The following MRPL3 variants were observed in gnomAD, a reference collection of about 807,000 sequenced individuals.
MRPL3 encodes large ribosomal subunit protein uL3m.
Under a neutral mutation model 44.3 loss-of-function variants are expected in MRPL3, and 43 were observed. The ratio of observed to expected loss-of-function variants is 0.97; its 90% CI spans 0.76 to 1.25. The LOEUF (loss-of-function observed/expected upper bound fraction) is 1.25. Among genes scored for constraint, MRPL3 ranks in the 50% most tolerant of loss-of-function variants. The pLI, the probability that MRPL3 is intolerant of heterozygous loss-of-function variation, is 0.00. For missense variants in MRPL3, 406 were observed against 427.6 expected, an observed-to-expected ratio of 0.95 and a Z score of 0.45; for synonymous variants, 171 against 152.3, an observed-to-expected ratio of 1.12 and a Z score of -0.91.
At chr3:131,492,215 A>T (rs886226806) in intron 4 of MRPL3, among the ~76,000 whole-genome samples, 11 of 152,130 alleles carry the variant, frequency 7.2e-5, no homozygotes, top group Admixed American at 3.3e-4. Context: ...CTTTTATTTT[A>T]TTAAAGCATA....
chr3:131,470,007 G>C (rs1933705808), intron 7 of MRPL3, among the ~76,000 whole-genome samples: 1 of 151,948 alleles, frequency 6.6e-6, no homozygotes, highest in South Asian at 2.1e-4. Flanking sequence ...GCAGATTTAG[G>C]AGAAAAACTC....
chr3:131,468,163 C>A lies in MRPL3; in HGVS notation c.822G>T (p.Trp274Cys), dbSNP rs1406639547. Residue 274 changes from tryptophan (W) to cysteine (C), a missense_variant, in exon 9 of 10, where the codon TGG becomes TGT. Physicochemically the swap from Trp to Cys is radical, Grantham distance 215. Transcript: ENST00000264995. ...IYRTEYGLKV[W>C]RINTKHNIIY... is the part of the protein sequence containing the mutation. ...TTATGTTGTGCTTTGTGTTTATTCTCCACACCTAAAGCATGAAATAAAACC... is the reference window on the plus strand; with the variant it reads ...TTATGTTGTGCTTTGTGTTTATTCTACACACCTAAAGCATGAAATAAAACC... 2 of 1,581,000 alleles carry A rather than the reference C, an allele frequency of 1.3e-6. No individual in the cohort carries two copies. Among genetic ancestry groups the A allele is most frequent in the Non-Finnish European group, 1.7e-6 (2 of 1,166,498 alleles).
At position 131,471,366 on chromosome 3, in the gene MRPL3, T is replaced by C. The variant is rs762908734; in HGVS notation, c.630-87A>G. The C allele has an allele frequency of 3.5e-5, 31 of 877,138 alleles. No homozygotes were observed. The Admixed American group carries it at 6.3e-4, about 18-fold the overall frequency. 54.3% of individuals were successfully genotyped at this position (877,138 alleles called of 1,614,324 possible). ...CACTTTCTAGTACCAACTGTACACA[T>C]TCTTGTTAGAGTTTTAACAAAGCTT... On this transcript the variant is annotated intron_variant, in intron 6 of 9. Transcript: ENST00000264995.
rs76329077 is a variant in MRPL3 at position 131,471,996 on chromosome 3, A to G, written c.630-717T>C. Among the ~76,000 whole-genome samples, 399 of 152,286 alleles carry G rather than the reference A, an allele frequency of 2.6e-3. 1 individual carries two copies. Among genetic ancestry groups the G allele is most frequent in the Non-Finnish European group, 4.8e-3 (327 of 68,018 alleles). On this transcript the variant is annotated intron_variant, in intron 6 of 9. Transcript: ENST00000264995. Reference sequence around the variant, plus strand: ...GATTCTCCCCAATTAGAACCTTGACATGACTACAGCCCTGGCTGATGCTTG... The same window carrying G: ...GATTCTCCCCAATTAGAACCTTGACGTGACTACAGCCCTGGCTGATGCTTG...
intron 6 of MRPL3, among the ~76,000 whole-genome samples, chr3:131,472,922 G>A (rs1371998099): frequency 6.6e-6 from 1 of 152,174 alleles, no homozygotes; most frequent in Non-Finnish European, 1.5e-5. Flanking sequence ...TGCAGAGGAT[G>A]TGGGTAAATG....
rs80054800 is a variant in MRPL3, at chr3:131,471,128, T to C, written c.738+43A>G. 8.0e-3 allele frequency: 10,845 copies of C among 1,352,712 alleles called. 652 individuals are homozygous for C. The African/African-American group carries it at 0.13, about 17-fold the overall frequency. 83.8% of individuals were successfully genotyped at this position (1,352,712 alleles called of 1,614,324 possible). A position where few individuals can be genotyped will look rare whatever the true frequency, so the allele number is the denominator to read the frequency against. Reference sequence around the variant, plus strand: ...GGACTGAGGACTACATGTGCAGAAGTTGAATATTTAGCATTAAAAAGAGCT... The same window carrying C: ...GGACTGAGGACTACATGTGCAGAAGCTGAATATTTAGCATTAAAAAGAGCT... On this transcript the variant is annotated intron_variant, in intron 7 of 9. Coordinates refer to ENST00000264995, the MANE Select transcript of MRPL3 (RefSeq NM_007208.4).
chr3:131,485,833 A>C (rs865857070), intron 6 of MRPL3, among the ~76,000 whole-genome samples: 1 of 152,336 alleles, frequency 6.6e-6, no homozygotes, highest in African/African-American at 2.4e-5. Flanking sequence ...GGAAAGTGAT[A>C]CTAGCACTCC....
Position 131,468,252 on chromosome 3 carries a change from G to C in MRPL3, c.817-84C>G, listed in dbSNP as rs567084981. On this transcript the variant is annotated intron_variant, in intron 8 of 9. Transcript: ENST00000264995. ...TAAAAGCTGAGGATGTAAGTTGCTT[G>C]TAAAGTAATAAAAGATTATTACCAG... 3.1e-4 allele frequency: 230 copies of C among 741,782 alleles called. 1 individual carries two copies. In the African/African-American group the frequency reaches 3.7e-3, roughly 12 times the overall value. 46.0% of individuals were successfully genotyped at this position (741,782 alleles called of 1,614,324 possible).
rs1347795791 is a variant in MRPL3, at chr3:131,490,010, T to C, written c.539A>G (p.Asn180Ser). The C allele has an allele frequency of 6.8e-6, 11 of 1,610,456 alleles. No individual in the cohort carries two copies. Among genetic ancestry groups the C allele is most frequent in the Non-Finnish European group, 8.5e-6 (10 of 1,177,276 alleles). Residue 180 changes from asparagine to serine, a missense_variant, in exon 5 of 10, where the codon AAT becomes AGT. Transcript: ENST00000264995. ...TTTAATTGCAGCATTATCTGTTATA[T>C]TAAAGATTTTAACTGTCTGTTTCGG... is the stretch of plus-strand genomic sequence containing the variant. ...LPPKQTVKIF[N>S]ITDNAAIKPG...
chr3:131,487,747 G>C lies in MRPL3; in HGVS notation c.569-7C>G. 6.2e-7 allele frequency: 1 copy of C among 1,604,792 alleles called. No individual in the cohort carries two copies. The highest frequency in any genetic ancestry group is 8.5e-7 in the Non-Finnish European group (1 of 1,177,140). ...GCAGCATAAAGAGGAGTGCCTTTAT[G>C]AAAAGAAAATGAAAAATCAATATGA... On this transcript the variant is annotated splice_region_variant and splice_polypyrimidine_tract_variant and intron_variant, in intron 5 of 9. Coordinates refer to ENST00000264995, the MANE Select transcript of MRPL3 (RefSeq NM_007208.4).
chr3:131,467,307 T>C lies in MRPL3; in HGVS notation c.894+784A>G, dbSNP rs183714235. Among the ~76,000 whole-genome samples the C allele has an allele frequency of 6.2e-4, 95 of 152,110 alleles. 3 individuals are homozygous for C. In the East Asian group the frequency reaches 0.011, roughly 18 times the overall value. On this transcript the variant is annotated intron_variant, in intron 9 of 9. Transcript: ENST00000264995. ...TCTTCTTTATCCATTCATTTGTAGATGGGGCACTTTAAAAAGCTAACATGT... is the reference window on the plus strand; with the variant it reads ...TCTTCTTTATCCATTCATTTGTAGACGGGGCACTTTAAAAAGCTAACATGT...
intron 6 of MRPL3, among the ~76,000 whole-genome samples, chr3:131,483,144 G>C (rs1934031734): frequency 1.3e-5 from 2 of 151,980 alleles, no homozygotes; most frequent in African/African-American, 4.8e-5. Context: ...AATCGAGACT[G>C]AAAGAATGGG....
chr3:131,475,560 A>C (rs1582705486), intron 6 of MRPL3, among the ~76,000 whole-genome samples: 1 of 152,344 alleles, frequency 6.6e-6, no homozygotes, highest in South Asian at 2.1e-4. Context: ...GTCAAAAGTC[A>C]CTTTTATAAG....
Position 131,478,706 on chromosome 3 carries a change from C to T in MRPL3, c.630-7427G>A, listed in dbSNP as rs993082044. ...CAAGTTGCATCACCTGTGAAATATT[C>T]GATTTTTTTTTTTTTTTTTTGAGAC... On this transcript the variant is annotated intron_variant, in intron 6 of 9. Transcript: ENST00000264995. Among the ~76,000 whole-genome samples the T allele has an allele frequency of 1.0e-4, 13 of 126,664 alleles. No individual in the cohort carries two copies. In the Admixed American group the frequency reaches 1.1e-3, roughly 11 times the overall value. 83.1% of individuals were successfully genotyped at this position (126,664 alleles called of 152,430 possible). A position where few individuals can be genotyped will look rare whatever the true frequency, so the allele number is the denominator to read the frequency against.
At position 131,502,756 on chromosome 3, in the gene MRPL3, C is replaced by T. The variant is rs1934526756; in HGVS notation, c.66G>A (p.Leu22=). 6.2e-7 allele frequency: 1 copy of T among 1,612,424 alleles called. No homozygotes were observed. The highest frequency in any genetic ancestry group is 8.5e-7 in the Non-Finnish European group (1 of 1,179,124). Reference sequence around the variant, plus strand: ...TGTTCCCCGGGCCCAGGGCAGCACCCAGGCCGTCCCCGAGTCGACCCAGCA... The same window carrying T: ...TGTTCCCCGGGCCCAGGGCAGCACCTAGGCCGTCCCCGAGTCGACCCAGCA... ...AQVLGRLGDG[L]GAALGPGNRT... Residue 22 remains leucine, a synonymous_variant, in exon 1 of 10, where the codon CTG becomes CTA. Coordinates refer to ENST00000264995, the MANE Select transcript of MRPL3 (RefSeq NM_007208.4).
chr3:131,462,999 A>T, intron 9 of MRPL3, 124 bp from the exon 10 acceptor site: 1 of 749,434 alleles, frequency 1.3e-6, no homozygotes, highest in Non-Finnish European at 2.0e-6. Context: ...CACAACTGTT[A>T]CATAAATAGA....
At chr3:131,481,056 T>G (rs1933974725) in intron 6 of MRPL3, among the ~76,000 whole-genome samples, 2 of 152,164 alleles carry the variant, frequency 1.3e-5, no homozygotes, top group Non-Finnish European at 2.9e-5. Context: ...AAGAAACAGA[T>G]TAGAAGAAAA....
In MRPL3 at chr3:131,465,956, G is replaced by A. The variant is rs1933593463; in HGVS notation, c.894+2135C>T. On this transcript the variant is annotated intron_variant, in intron 9 of 9. Coordinates refer to ENST00000264995, the MANE Select transcript of MRPL3 (RefSeq NM_007208.4). ...CTGTTGCCCAGGCTAGAAGGCAATA[G>A]TGTGATCACAGCTCACTGCAGCCTC... Among the ~76,000 whole-genome samples, 3 of 144,300 alleles carry A rather than the reference G, an allele frequency of 2.1e-5. No homozygotes were observed. In the Admixed American group the frequency reaches 2.1e-4, roughly 10 times the overall value. 94.7% of individuals were successfully genotyped at this position (144,300 alleles called of 152,430 possible). A position where few individuals can be genotyped will look rare whatever the true frequency, so the allele number is the denominator to read the frequency against.
intron 6 of MRPL3, among the ~76,000 whole-genome samples, chr3:131,481,100 G>A (rs1356615252): frequency 6.6e-6 from 1 of 152,198 alleles, no homozygotes; most frequent in Non-Finnish European, 1.5e-5. Flanking sequence ...GGAGAGGTAT[G>A]AAGCCATTTC....
Sources: gnomAD v4.1 joint callset for allele counts (sites outside exome capture counted in the v4.1 genomes callset) on GRCh38, gnomAD v4.1.1 for gene constraint, MANE v1.5 for transcripts, NCBI Gene and HGNC (gene_info 2026-07-23, HGNC 2026-07-21) for gene names.